Variants in KIFC3 observed in about 807,000 individuals in gnomAD.
KIFC3 encodes the protein kinesin family member C3, also known as kinesin-like protein KIFC3.
A neutral mutation model predicts 101.8 loss-of-function variants in KIFC3; 60 were observed. The ratio of observed to expected loss-of-function variants is 0.59; its 90% CI spans 0.48 to 0.73. The LOEUF (loss-of-function observed/expected upper bound fraction) is 0.73, where lower values mean the gene tolerates loss of function less well. Ranked by LOEUF, KIFC3 falls within the 30% of genes least tolerant of loss-of-function variation. The pLI is 0.00. For missense variants in KIFC3, 966 were observed against 1,137.1 expected (o/e 0.85, Z 2.16); for synonymous variants, 476 against 482.7 (o/e 0.99, Z 0.18).
At chr16:57,790,054 TTTTC>T (rs1238116970) in intron 3 of KIFC3, among the ~76,000 whole-genome samples, 25 of 119,068 alleles carry the variant, frequency 2.1e-4, no homozygotes, top group East Asian at 1.1e-3. Context: ...TTTGCTTTCT[TTTTC>T]TTTCTTTCTT....
intron 1 of KIFC3, among the ~76,000 whole-genome samples, chr16:57,813,158 T>C (rs1489823851): frequency 6.6e-6 from 1 of 151,962 alleles, no homozygotes; most frequent in African/African-American, 2.4e-5. Context: ...CGAAACTCCA[T>C]CTCTACTGAA....
At chr16:57,794,252 A>G (rs2054119935) in intron 3 of KIFC3, among the ~76,000 whole-genome samples, 1 of 142,274 alleles carries the variant, frequency 7.0e-6, no homozygotes, top group South Asian at 2.2e-4. Flanking sequence ...TTTTTTTTTG[A>G]GACAGGGTCT....
intron 7 of KIFC3, 126 bp from the exon 8 acceptor site, chr16:57,770,081 C>T: frequency 8.6e-7 from 1 of 1,165,154 alleles, no homozygotes; most frequent in Non-Finnish European, 1.2e-6. Flanking sequence ...CATGTGCACA[C>T]CCAGAGGGGC....
At chr16:57,850,465 G>GTTTTTTTTTTTTTTT (rs373157438) in intron 1 of KIFC3, among the ~76,000 whole-genome samples, 3 of 84,080 alleles carry the variant, frequency 3.6e-5, no homozygotes, top group Admixed American at 1.8e-4. Flanking sequence ...TTTAAAAAGG[G>GTTTTTTTTTTTTTTT]TTTTTTTTTT....
intron 3 of KIFC3, among the ~76,000 whole-genome samples, chr16:57,784,061 T>C (rs782651017): frequency 6.6e-6 from 1 of 152,204 alleles, no homozygotes; most frequent in South Asian, 2.1e-4. Flanking sequence ...GCCATGTGTG[T>C]GCCCATCCCA....
chr16:57,789,480 A>T (rs1470841384), intron 3 of KIFC3, among the ~76,000 whole-genome samples: 13 of 152,272 alleles, frequency 8.5e-5, no homozygotes, highest in Admixed American at 8.5e-4. Context: ...GATCATGAAA[A>T]TAAAACAGGC....
intron 1 of KIFC3, among the ~76,000 whole-genome samples, chr16:57,833,415 T>G (rs2055622925): frequency 6.6e-6 from 1 of 152,098 alleles, no homozygotes; most frequent in Admixed American, 6.5e-5. Flanking sequence ...ACTCTTCAGA[T>G]GTGGATCTCA....
Position 57,772,254 on chromosome 16 carries a change from G to A in KIFC3, c.350C>T (p.Ala117Val). The A allele has an allele frequency of 3.7e-6, 6 of 1,613,832 alleles. No homozygotes were observed. The South Asian group carries it at 6.6e-5, about 18-fold the overall frequency. Residue 117 changes from alanine to valine, a missense_variant, in exon 4 of 20, where the codon GCC becomes GTC. Coordinates refer to ENST00000445690, the MANE Select transcript of KIFC3 (RefSeq NM_001130100.2). ...EHLKEKLISQ[A>V]QEVSRLRSEL... ...AGATCGCAGTCGGCTCACTTCCTGGGCCTGGCTAATGAGCTTCTCCTTCAG... is the reference window on the plus strand; with the variant it reads ...AGATCGCAGTCGGCTCACTTCCTGGACCTGGCTAATGAGCTTCTCCTTCAG...
chr16:57,764,245 C>T lies in KIFC3; in HGVS notation c.1515G>A (p.Val505=), dbSNP rs781789495. 26 of 1,587,290 alleles carry T rather than the reference C, an allele frequency of 1.6e-5. No homozygotes were observed. The African/African-American group carries it at 3.1e-4, about 19-fold the overall frequency. Residue 505 remains valine (V), a splice_region_variant and synonymous_variant, in exon 12 of 20, where the codon GTG becomes GTA. Transcript: ENST00000445690. ...TGACCAGGGCCTGCACCTCCTGGAA[C>T]ACCTGGGAGGGTGGTGGGAGGGAGG... ...VFSPQASQQD[V]FQEVQALVTS...
In KIFC3 at chr16:57,816,909, TAAG is replaced by T. The variant is rs140906505; in HGVS notation, c.109-18630_109-18628del. 800 of 366,342 alleles carry T rather than the reference TAAG, an allele frequency of 2.2e-3. 4 individuals are homozygous for T. The highest frequency in any genetic ancestry group is 3.2e-3 in the Non-Finnish European group (592 of 184,444). The allele number at this position is 366,342 out of a possible 1,614,324, so 22.7% of individuals were successfully genotyped here. A position where few individuals can be genotyped will look rare whatever the true frequency, so the allele number is the denominator to read the frequency against. The stretch of plus-strand genomic sequence containing the variant: ...CACAACCGACCTTGAACCATAATAC[TAAG>T]AATGATAACAATAATAATCACAGCT... On this transcript the variant is annotated intron_variant, in intron 1 of 2. Transcript: ENST00000563028.
intron 1 of KIFC3, among the ~76,000 whole-genome samples, chr16:57,813,457 GCCCCCACGCTACTCCA>G (rs2055141637): frequency 6.6e-6 from 1 of 152,012 alleles, no homozygotes; most frequent in African/African-American, 2.4e-5. Flanking sequence ...AGCACGCACT[GCCCCCACGCTACTCCA>G]CCCCCTCCAC....
intron 1 of KIFC3, chr16:57,815,398 C>T (rs1358460668): frequency 8.5e-7 from 1 of 1,173,258 alleles, no homozygotes; most frequent in Non-Finnish European, 1.1e-6. Flanking sequence ...CCACACCGCA[C>T]CCCACCACCG....
intron 3 of KIFC3, among the ~76,000 whole-genome samples, chr16:57,783,405 T>C (rs1470203232): frequency 6.7e-6 from 1 of 150,082 alleles, no homozygotes; most frequent in African/African-American, 2.5e-5. Flanking sequence ...GACCACCGAA[T>C]TGTACACCTT....
intron 3 of KIFC3, chr16:57,775,254 T>A: frequency 7.6e-7 from 1 of 1,307,604 alleles, no homozygotes; most frequent in Non-Finnish European, 9.7e-7. Flanking sequence ...AGGAAGGGGC[T>A]CTAAAGGCCC....
Position 57,761,263 on chromosome 16 carries a change from C to A in KIFC3, c.1873-92G>T, listed in dbSNP as rs1220951144. 7 of 1,585,114 alleles carry A rather than the reference C, an allele frequency of 4.4e-6. No individual in the cohort carries two copies. In the Admixed American group the frequency reaches 1.2e-4, roughly 27 times the overall value. On this transcript the variant is annotated intron_variant, in intron 14 of 19. Transcript: ENST00000445690. Reference sequence around the variant, plus strand: ...AAGCACCCATGAGGAGTGGCACCACCCTCCGCAGTTTAGATGAGGAAACTG... The same window carrying A: ...AAGCACCCATGAGGAGTGGCACCACACTCCGCAGTTTAGATGAGGAAACTG...
At chr16:57,759,073 C>A in intron 19 of KIFC3, 52 bp downstream of exon 19, 1 of 1,545,508 alleles carries the variant, frequency 6.5e-7, no homozygotes, top group Non-Finnish European at 8.7e-7. Context: ...AGCCCTGCAA[C>A]CCACTGCGGG....
chr16:57,803,077 G>T, upstream of KIFC3: 1 of 1,520,854 alleles, frequency 6.6e-7, no homozygotes, highest in Non-Finnish European at 8.8e-7. Context: ...TGGCCAGGCC[G>T]CCTTCTAGCC....
intron 2 of KIFC3, among the ~76,000 whole-genome samples, chr16:57,797,277 G>A (rs1288701188): frequency 6.6e-6 from 1 of 152,222 alleles, no homozygotes; most frequent in East Asian, 1.9e-4. Flanking sequence ...TAGGTCACGA[G>A]GGACAGGGAG....
intron 3 of KIFC3, among the ~76,000 whole-genome samples, chr16:57,780,404 A>G (rs1302473036): frequency 6.6e-6 from 1 of 151,908 alleles, no homozygotes; most frequent in Non-Finnish European, 1.5e-5. Context: ...CCAGCTACTC[A>G]GGAGGCTGAA....
Sources: allele counts gnomAD v4.1 joint callset (sites outside exome capture counted in the v4.1 genomes callset), GRCh38; gene constraint gnomAD v4.1.1; transcripts MANE v1.5; gene names NCBI Gene and HGNC (gene_info 2026-07-23, HGNC 2026-07-21).